RB1: variants seen among roughly 807,000 people sequenced by gnomAD.
RB1 encodes the protein retinoblastoma-associated protein.
A neutral mutation model predicts 135.4 loss-of-function variants in RB1; 18 were observed. The observed-to-expected ratio is 0.13, with a 90% CI of 0.09 to 0.20. The LOEUF is 0.20. Ranked by LOEUF, RB1 falls within the 10% of genes least tolerant of loss-of-function variation. The pLI is 1.00. For missense variants in RB1, 868 were observed against 1,110.0 expected, an observed-to-expected ratio of 0.78 and a Z score of 3.10; for synonymous variants, 365 against 373.2, an observed-to-expected ratio of 0.98 and a Z score of 0.25.
At chr13:48,321,879 C>A (rs1440743853) in intron 2 of RB1, among the ~76,000 whole-genome samples, 1 of 152,044 alleles carries the variant, frequency 6.6e-6, no homozygotes. Context: ...AAAAAAAATC[C>A]ATTCATCTAG....
intron 17 of RB1, chr13:48,389,595 T>C (rs1948596234): frequency 6.6e-6 from 1 of 152,200 alleles, no homozygotes; most frequent in South Asian, 2.1e-4. Flanking sequence ...TATTTTATTT[T>C]GCTTATGATT....
At chr13:48,399,456 CAT>C (rs1191770958) in intron 17 of RB1, among the ~76,000 whole-genome samples, 1 of 151,914 alleles carries the variant, frequency 6.6e-6, no homozygotes, top group Non-Finnish European at 1.5e-5. Flanking sequence ...TAATTTAACT[CAT>C]ATGAATAATC....
At chr13:48,425,693 GA>G (rs143703157) in intron 17 of RB1, among the ~76,000 whole-genome samples, 5,415 of 149,390 alleles carry the variant, frequency 0.036, 121 homozygotes, top group Middle Eastern at 0.076. Flanking sequence ...ACTCTTAAAG[GA>G]AAAAAAAAAT....
chr13:48,417,199 C>T (rs1163941350), intron 17 of RB1: 2 of 152,822 alleles, frequency 1.3e-5, no homozygotes, highest in Middle Eastern at 3.1e-3. Context: ...CTGGTGGGTG[C>T]CCCTCTGGGA....
chr13:48,336,639 C>T (rs538904546), intron 2 of RB1, among the ~76,000 whole-genome samples: 111 of 151,824 alleles, frequency 7.3e-4, no homozygotes, highest in African/African-American at 2.6e-3. Flanking sequence ...AAAGCCAGCT[C>T]CTGGATTCAT....
At position 48,347,939 on chromosome 13, in the gene RB1, T is replaced by C. The variant is rs566535093; in HGVS notation, c.539+76T>C. On this transcript the variant is annotated intron_variant, in intron 5 of 26. Transcript: ENST00000267163. ...GGAATAATCTCAAACATCTTGATAG[T>C]TAGGGTTAGTTTGATCGATTATAGC... The C allele has an allele frequency of 1.0e-5, 12 of 1,148,822 alleles. No individual in the cohort carries two copies. In the East Asian group the frequency reaches 2.9e-4, roughly 28 times the overall value. The allele number at this position is 1,148,822 out of a possible 1,614,324, so 71.2% of individuals were successfully genotyped here. A position where few individuals can be genotyped will look rare whatever the true frequency, so the allele number is the denominator to read the frequency against.
intron 17 of RB1, among the ~76,000 whole-genome samples, chr13:48,393,102 G>T (rs181669786): frequency 6.6e-6 from 1 of 152,226 alleles, no homozygotes; most frequent in East Asian, 1.9e-4. Flanking sequence ...GTTGAAAGCA[G>T]AACTCTTCCT....
chr13:48,415,030 C>A (rs1223372526), intron 17 of RB1, among the ~76,000 whole-genome samples: 1 of 151,840 alleles, frequency 6.6e-6, no homozygotes, highest in Non-Finnish European at 1.5e-5. Flanking sequence ...TTTAAAAAAA[C>A]AAAATCTTAG....
At chr13:48,457,605 C>A (rs1159522912) in intron 19 of RB1, among the ~76,000 whole-genome samples, 2 of 152,212 alleles carry the variant, frequency 1.3e-5, no homozygotes, top group African/African-American at 4.8e-5. Context: ...CTCAGGAGCC[C>A]ATCTGCCTCC....
intron 17 of RB1, among the ~76,000 whole-genome samples, chr13:48,403,735 T>G (rs1318153254): frequency 2.0e-5 from 3 of 152,172 alleles, no homozygotes; most frequent in Admixed American, 2.0e-4. Flanking sequence ...AGAATTTGTA[T>G]TTCTGATATG....
intron 17 of RB1, among the ~76,000 whole-genome samples, chr13:48,383,194 A>AT (rs1168595785): frequency 1.3e-5 from 2 of 152,048 alleles, no homozygotes; most frequent in African/African-American, 4.8e-5. Flanking sequence ...AGTAGGATTC[A>AT]TTTTTTCCCA....
At chr13:48,316,328 A>T (rs552461441) in intron 2 of RB1, among the ~76,000 whole-genome samples, 5 of 141,906 alleles carry the variant, frequency 3.5e-5, no homozygotes, top group South Asian at 5.1e-4. Context: ...CCCGACGGAC[A>T]CTTTGGGGCA....
chr13:48,308,209 G>A (rs1386967995), intron 2 of RB1, among the ~76,000 whole-genome samples: 1 of 151,442 alleles, frequency 6.6e-6, no homozygotes, highest in African/African-American at 2.4e-5. Flanking sequence ...ACATAGCCGG[G>A]CATGGTGGTG....
intron 23 of RB1, 41 bp downstream of exon 23, chr13:48,465,409 G>T (rs1326059028): frequency 1.3e-6 from 2 of 1,515,034 alleles, no homozygotes; most frequent in East Asian, 4.5e-5. Flanking sequence ...AGAATGAGAG[G>T]GGGATTATTT....
intron 6 of RB1, among the ~76,000 whole-genome samples, chr13:48,349,649 C>T (rs1221051393): frequency 1.3e-5 from 2 of 151,738 alleles, no homozygotes; most frequent in African/African-American, 4.8e-5. Context: ...ACAAAACAAC[C>T]AGAAAACAAA....
chr13:48,416,472 C>A (rs1566215802), intron 17 of RB1: 4 of 152,680 alleles, frequency 2.6e-5, no homozygotes, highest in Admixed American at 2.6e-4. Flanking sequence ...CTACACCACC[C>A]AGGCCCTGGG....
At position 48,476,807 on chromosome 13, in the gene RB1, G is replaced by A. The variant is rs767232453; in HGVS notation, c.2627G>A (p.Arg876His). The change falls in exon 25 of 27, where the codon CGC becomes CAC. Residue 876 changes from arginine to histidine, a missense_variant. Arg to His is a conservative substitution (Grantham distance 29). Coordinates refer to ENST00000267163, the MANE Select transcript of RB1 (RefSeq NM_000321.3). ...SNPPKPLKKL[R>H]FDIEGSDEAD... ...CCTCCTAAACCACTGAAAAAACTAC[G>A]CTTTGATATTGAAGGATCAGATGAA... 6 of 1,613,626 alleles carry A rather than the reference G, an allele frequency of 3.7e-6. No homozygotes were observed. The highest frequency in any genetic ancestry group is 2.2e-5 in the South Asian group (2 of 91,082).
chr13:48,394,865 G>C (rs1948635884), intron 17 of RB1, among the ~76,000 whole-genome samples: 1 of 152,226 alleles, frequency 6.6e-6, no homozygotes, highest in East Asian at 1.9e-4. Flanking sequence ...GAAGAGAGCA[G>C]CAGATCTCCC....
chr13:48,411,382 T>G, intron 17 of RB1: 1 of 1,607,506 alleles, frequency 6.2e-7, no homozygotes, highest in Non-Finnish European at 8.5e-7. Flanking sequence ...GTCCTAATGG[T>G]TTTATTTCAG....
Sources: allele counts gnomAD v4.1 joint callset (sites outside exome capture counted in the v4.1 genomes callset), GRCh38; gene constraint gnomAD v4.1.1; transcripts MANE v1.5; gene names NCBI Gene and HGNC (gene_info 2026-07-23, HGNC 2026-07-21).